Variants in TTLL5 observed in about 807,000 individuals in gnomAD.
TTLL5 encodes tubulin polyglutamylase TTLL5.
A neutral mutation model predicts 168.4 loss-of-function variants in TTLL5; 132 were observed. The ratio of observed to expected loss-of-function variants is 0.78; its 90% CI spans 0.68 to 0.91. The LOEUF is 0.91. TTLL5 is among the 40% of genes least tolerant of loss of function. The pLI is 0.00. For missense variants in TTLL5, 1,545 were observed against 1,581.5 expected (o/e 0.98, Z 0.39); for synonymous variants, 546 against 558.6 (o/e 0.98, Z 0.32).
At chr14:75,726,560 T>A (rs972708984) in intron 12 of TTLL5, among the ~76,000 whole-genome samples, 1 of 152,178 alleles carries the variant, frequency 6.6e-6, no homozygotes, top group African/African-American at 2.4e-5. Context: ...ACAAGTAGTA[T>A]AAGTGACTCA....
intron 5 of TTLL5, 51 bp downstream of exon 5, chr14:75,683,707 G>A (rs760302983): frequency 2.8e-6 from 4 of 1,437,966 alleles, no homozygotes; most frequent in Non-Finnish European, 3.9e-6. Flanking sequence ...ATGACATTGG[G>A]GCATGTAGCC....
At chr14:75,720,486 C>G in intron 11 of TTLL5, 110 bp from the exon 12 acceptor site, 1 of 818,672 alleles carries the variant, frequency 1.2e-6, no homozygotes, top group Non-Finnish European at 2.0e-6. Context: ...CATATAGAGG[C>G]TTTTTTGAAT....
chr14:75,924,763 A>G (rs1240126427), intron 31 of TTLL5, among the ~76,000 whole-genome samples: 7 of 151,804 alleles, frequency 4.6e-5, no homozygotes, highest in Non-Finnish European at 7.4e-5. Flanking sequence ...CAAAACCGCC[A>G]TTGTCATCCC....
chr14:75,924,172 T>G (rs1440161233), intron 31 of TTLL5, among the ~76,000 whole-genome samples: 3 of 152,014 alleles, frequency 2.0e-5, no homozygotes, highest in Non-Finnish European at 2.9e-5. Context: ...TGACTCTTTA[T>G]CCAATTTGCC....
At chr14:75,806,677 A>G (rs770763672) in intron 27 of TTLL5, among the ~76,000 whole-genome samples, 9 of 152,174 alleles carry the variant, frequency 5.9e-5, no homozygotes, top group Non-Finnish European at 1.0e-4. Context: ...GTATGTCAAG[A>G]TAGCTCTCTC....
chr14:75,746,552 CTTTTCT>C (rs1257807078), intron 17 of TTLL5, among the ~76,000 whole-genome samples: 3 of 110,290 alleles, frequency 2.7e-5, no homozygotes, highest in South Asian at 3.3e-4. Flanking sequence ...TTCCTCTTTT[CTTTTCT>C]TTTTTTTTTT....
intron 30 of TTLL5, chr14:75,887,006 A>G: frequency 7.3e-7 from 1 of 1,367,134 alleles, no homozygotes; most frequent in Non-Finnish European, 9.4e-7. Flanking sequence ...ACTGAACTGC[A>G]GTACTTTTCC....
At chr14:75,906,771 C>A in intron 31 of TTLL5, 1 of 965,060 alleles carries the variant, frequency 1.0e-6, no homozygotes, top group Non-Finnish European at 1.2e-6. Context: ...GAAGTTCTAG[C>A]TTCTCAAAAT....
chr14:75,900,527 C>T (rs2032877836), intron 30 of TTLL5, among the ~76,000 whole-genome samples: 1 of 152,120 alleles, frequency 6.6e-6, no homozygotes, highest in Non-Finnish European at 1.5e-5. Flanking sequence ...GCACTGTCCC[C>T]AGGCTCACCT....
intron 9 of TTLL5, among the ~76,000 whole-genome samples, chr14:75,714,493 G>C (rs1887299453): frequency 6.6e-6 from 1 of 151,744 alleles, no homozygotes; most frequent in African/African-American, 2.4e-5. Context: ...TTTATTTCTT[G>C]GCATTTTTCT....
At chr14:75,895,428 A>G (rs1294358958) in intron 30 of TTLL5, among the ~76,000 whole-genome samples, 1 of 152,152 alleles carries the variant, frequency 6.6e-6, no homozygotes, top group African/African-American at 2.4e-5. Context: ...CTATGTCACA[A>G]ATGAAGGCTC....
chr14:75,840,276 G>T (rs146154241), intron 28 of TTLL5, among the ~76,000 whole-genome samples: 1 of 152,048 alleles, frequency 6.6e-6, no homozygotes, highest in African/African-American at 2.4e-5. Context: ...TATGCAGAAC[G>T]TGCAGGTTTG....
chr14:75,897,012 ATAAT>A (rs1395438925), intron 30 of TTLL5, among the ~76,000 whole-genome samples: 1 of 152,198 alleles, frequency 6.6e-6, no homozygotes, highest in East Asian at 1.9e-4. Context: ...ATTTTTCAAA[ATAAT>A]TAATACAGGA....
Position 75,663,133 on chromosome 14 carries a change from G to T in TTLL5, c.-17G>T. On this transcript the variant is annotated 5_prime_UTR_variant, in exon 2 of 32. The change abolishes an upstream ATG in the 5' untranslated region. Transcript: ENST00000298832. ...TGAGGCCCCCGTCTGCTGACTGCAT[G>T]ACAAACCCTAAAGGAAATGCCAATC... The T allele has an allele frequency of 1.2e-6, 2 of 1,613,000 alleles. No homozygotes were observed. Among genetic ancestry groups the T allele is most frequent in the Middle Eastern group, 3.3e-4 (2 of 6,062 alleles).
intron 31 of TTLL5, among the ~76,000 whole-genome samples, chr14:75,920,605 T>C (rs2033792358): frequency 1.3e-5 from 2 of 152,246 alleles, no homozygotes; most frequent in African/African-American, 4.8e-5. Flanking sequence ...TGCATAGTAT[T>C]CCACGGTGTA....
At chr14:75,906,922 C>T (rs1017991453) in intron 31 of TTLL5, among the ~76,000 whole-genome samples, 44 of 152,152 alleles carry the variant, frequency 2.9e-4, no homozygotes, top group African/African-American at 1.0e-3. Flanking sequence ...TCTACTATTA[C>T]TAGAGGCTTT....
chr14:75,684,738 A>T (rs934319517), intron 5 of TTLL5: 2 of 152,232 alleles, frequency 1.3e-5, no homozygotes, highest in Non-Finnish European at 2.9e-5. Context: ...ATGATGTAAA[A>T]GACAAGTATT....
In TTLL5 at chr14:75,898,467, C is replaced by G. The variant is rs549102205; in HGVS notation, c.3741-3675C>G. 2.0e-5 allele frequency among the ~76,000 whole-genome samples: 3 copies of G among 152,234 alleles called. No individual in the cohort carries two copies. In the South Asian group the frequency reaches 6.2e-4, roughly 32 times the overall value. Reference sequence around the variant, plus strand: ...GAGCAGCCTGGGTGACATGGCAAAACTCTGTCTCCACAAAAAATACAAAAA... The same window carrying G: ...GAGCAGCCTGGGTGACATGGCAAAAGTCTGTCTCCACAAAAAATACAAAAA... On this transcript the variant is annotated intron_variant, in intron 30 of 31. Coordinates refer to ENST00000298832, the MANE Select transcript of TTLL5 (RefSeq NM_015072.5).
At chr14:75,898,133 T>G (rs2032756507) in intron 30 of TTLL5, among the ~76,000 whole-genome samples, 1 of 152,230 alleles carries the variant, frequency 6.6e-6, no homozygotes, top group South Asian at 2.1e-4. Flanking sequence ...CCAGAGAACA[T>G]CAGATAATGG....
Sources: allele counts gnomAD v4.1 joint callset (sites outside exome capture counted in the v4.1 genomes callset), GRCh38; gene constraint gnomAD v4.1.1; transcripts MANE v1.5; gene names NCBI Gene and HGNC (gene_info 2026-07-23, HGNC 2026-07-21).